SAP30: variants seen among roughly 807,000 people sequenced by gnomAD.
SAP30 encodes the protein histone deacetylase complex subunit SAP30.
A neutral mutation model predicts 19.6 loss-of-function variants in SAP30; 13 were observed. The ratio of observed to expected loss-of-function variants is 0.66; its 90% confidence interval spans 0.43 to 1.05. The LOEUF is 1.05. Among genes scored for constraint, SAP30 ranks in the 50% least tolerant of loss-of-function variants. The pLI is 0.00. For synonymous variants in SAP30, 108 were observed against 122.7 expected, an observed-to-expected ratio of 0.88 and a Z score of 0.79; for missense variants, 257 against 292.1, an observed-to-expected ratio of 0.88 and a Z score of 0.88.
In SAP30 at chr4:173,376,228, A is replaced by G. The variant is rs150644274; in HGVS notation, c.541-977A>G. On this transcript the variant is annotated intron_variant, in intron 3 of 3. Transcript: ENST00000296504. Reference sequence around the variant, plus strand: ...CCCCAGGTAAGTCTATTATTCTTCTATTAGTAATTGTAGTATGCATGTTAT... The same window carrying G: ...CCCCAGGTAAGTCTATTATTCTTCTGTTAGTAATTGTAGTATGCATGTTAT... 9.8e-5 allele frequency among the ~76,000 whole-genome samples: 15 copies of G among 152,292 alleles called. 1 individual carries two copies. In the East Asian group the frequency reaches 1.7e-3, roughly 18 times the overall value.
At chr4:173,375,808 C>T (rs1739024867) in intron 3 of SAP30, among the ~76,000 whole-genome samples, 3 of 152,190 alleles carry the variant, frequency 2.0e-5, no homozygotes, top group African/African-American at 7.2e-5. Context: ...CTGTTAGGAA[C>T]GGGTCCGCAG....
At position 173,371,524 on chromosome 4, in the gene SAP30, C is replaced by G; in HGVS notation, c.315+27C>G. On this transcript the variant is annotated intron_variant, in intron 1 of 3. Coordinates refer to ENST00000296504, the MANE Select transcript of SAP30 (RefSeq NM_003864.4). This position sits in a 1 kb window ranked among gnomAD's most constrained non-coding sequence, Gnocchi z 6.4. ...TAAGTAAACCGCGGGACCGCCCTGC[C>G]CTCCCGCCCCTCGGTGGGGCCCCAG... The G allele has an allele frequency of 6.4e-7, 1 of 1,568,452 alleles. No individual in the cohort carries two copies. The highest frequency in any genetic ancestry group is 1.4e-5 in the African/African-American group (1 of 73,320).
chr4:173,376,001 T>C (rs1739029744), intron 3 of SAP30, among the ~76,000 whole-genome samples: 2 of 152,192 alleles, frequency 1.3e-5, no homozygotes, highest in Non-Finnish European at 2.9e-5. Context: ...AACAATTTCA[T>C]ACCAAAACCA....
chr4:173,376,512 T>C (rs1739043423), intron 3 of SAP30, among the ~76,000 whole-genome samples: 1 of 152,250 alleles, frequency 6.6e-6, no homozygotes, highest in Non-Finnish European at 1.5e-5. Context: ...GCAGGTTTAA[T>C]GATGCATGTG....
At position 173,371,742 on chromosome 4, in the gene SAP30, G is replaced by A. The variant is rs989646319; in HGVS notation, c.315+245G>A. Among the ~76,000 whole-genome samples, 1 of 152,144 alleles carries A rather than the reference G, an allele frequency of 6.6e-6. No individual in the cohort carries two copies. The highest frequency in any genetic ancestry group is 1.5e-5 in the Non-Finnish European group (1 of 68,028). ...CCACCCTGGCCCCCAACCTCCCGCT[G>A]CCTGCGTCTCTCCCGCGCAGTCTTC... On this transcript the variant is annotated intron_variant, in intron 1 of 3. Coordinates refer to ENST00000296504, the MANE Select transcript of SAP30 (RefSeq NM_003864.4). This position sits in a 1 kb window ranked among gnomAD's most constrained non-coding sequence, Gnocchi z 6.4.
chr4:173,371,677 C>T lies in SAP30; in HGVS notation c.315+180C>T, dbSNP rs1196922251. Among the ~76,000 whole-genome samples, 2 of 152,100 alleles carry T rather than the reference C, an allele frequency of 1.3e-5. No homozygotes were observed. Among genetic ancestry groups the T allele is most frequent in the Non-Finnish European group, 2.9e-5 (2 of 68,004 alleles). On this transcript the variant is annotated intron_variant, in intron 1 of 3. Coordinates refer to ENST00000296504, the MANE Select transcript of SAP30 (RefSeq NM_003864.4). This position sits in a 1 kb window ranked among gnomAD's most constrained non-coding sequence, Gnocchi z 6.4. ...GCTGCAACTCCTACCGCCACCCCAA[C>T]ACACACACCACACACAGGCTGTCGT...
rs1275934654 is a variant in SAP30 at position 173,371,777 on chromosome 4, TCTC to T, written c.315+284_315+286del. Among the ~76,000 whole-genome samples, 9 of 151,904 alleles carry T rather than the reference TCTC, an allele frequency of 5.9e-5. No individual in the cohort carries two copies. In the East Asian group the frequency reaches 9.7e-4, roughly 16 times the overall value. On this transcript the variant is annotated intron_variant, in intron 1 of 3. Coordinates refer to ENST00000296504, the MANE Select transcript of SAP30 (RefSeq NM_003864.4). The surrounding 1 kb of genome is among the most constrained non-coding windows in gnomAD (Gnocchi z 6.4). ...CTCCCGCGCAGTCTTCCCTCTTCCT[TCTC>T]CTCTGCGACCGGGACACGAAACAAA...
In SAP30 at chr4:173,374,014, C is replaced by T. The variant is rs1738995874; in HGVS notation, c.517C>T (p.Leu173Phe). Reference sequence around the variant, plus strand: ...CTTCAAGCTACCAACCAGACCAGGACTTAATAAAGCACAACTTGTTGAGGT... The same window carrying T: ...CTTCAAGCTACCAACCAGACCAGGATTTAATAAAGCACAACTTGTTGAGGT... ...RHFKLPTRPG[L>F]NKAQLVEIVG... The change falls in exon 3 of 4, where the codon CTT (leucine) becomes TTT (phenylalanine). Residue 173 changes from leucine to phenylalanine, a missense_variant. Leu to Phe is a conservative substitution (Grantham distance 22). Coordinates refer to ENST00000296504, the MANE Select transcript of SAP30 (RefSeq NM_003864.4). 1 of 1,593,082 alleles carries T rather than the reference C, an allele frequency of 6.3e-7. No homozygotes were observed. Among genetic ancestry groups the T allele is most frequent in the African/African-American group, 1.4e-5 (1 of 73,996 alleles).
intron 3 of SAP30, among the ~76,000 whole-genome samples, chr4:173,375,430 G>A (rs1273510900): frequency 6.6e-6 from 1 of 151,756 alleles, no homozygotes; most frequent in Non-Finnish European, 1.5e-5. Flanking sequence ...GTTCTTTTGG[G>A]GTTGTACAAT....
intron 3 of SAP30, among the ~76,000 whole-genome samples, chr4:173,375,776 T>G (rs1272203139): frequency 6.6e-6 from 1 of 152,176 alleles, no homozygotes; most frequent in South Asian, 2.1e-4. Flanking sequence ...CCCAGGGCCA[T>G]GGACTGGTAC....
rs1339103256 is a variant in SAP30, at chr4:173,373,381, C to T, written c.316-9C>T. ...ATCATAAGCAGTGTGTAAAACTTTT[C>T]TGTTTCAGGCAAGGCATCTTTACAT... On this transcript the variant is annotated splice_polypyrimidine_tract_variant and intron_variant, in intron 1 of 3. Transcript: ENST00000296504. 6.3e-7 allele frequency: 1 copy of T among 1,594,724 alleles called. No homozygotes were observed. Among genetic ancestry groups the T allele is most frequent in the African/African-American group, 1.4e-5 (1 of 73,974 alleles).
Position 173,370,960 on chromosome 4 carries a change from C to A in SAP30, c.-223C>A, listed in dbSNP as rs986595505. On this transcript the variant is annotated 5_prime_UTR_variant, in exon 1 of 4. Transcript: ENST00000296504. ...GCTGAAGTCCCCATGTGACAGTGAG[C>A]GGGGTCCCCGCTCCAGGAGACGCTC... is the stretch of plus-strand genomic sequence containing the variant. 5 of 268,588 alleles carry A rather than the reference C, an allele frequency of 1.9e-5. No individual in the cohort carries two copies. Among genetic ancestry groups the A allele is most frequent in the Non-Finnish European group, 3.4e-5 (5 of 148,892 alleles). 16.6% of individuals were successfully genotyped at this position (268,588 alleles called of 1,614,324 possible).
At chr4:173,373,635 CAAAATT>C in intron 2 of SAP30, 120 bp downstream of exon 2, 1 of 1,078,162 alleles carries the variant, frequency 9.3e-7, no homozygotes, top group East Asian at 2.6e-5. Context: ...AAAATGAAAG[CAAAATT>C]AAATATAGCC....
intron 3 of SAP30, 139 bp downstream of exon 3, chr4:173,374,176 T>C: frequency 2.0e-6 from 1 of 492,264 alleles, no homozygotes; most frequent in Non-Finnish European, 3.6e-6. Flanking sequence ...TGTGGAAGAA[T>C]CTAGTTGTGT....
chr4:173,373,925 T>G lies in SAP30; in HGVS notation c.442-14T>G. ...AATTGTATGAACTCATTTATACATGTTAATTTTTTCTAGGTTGATTTATAC... is the reference window on the plus strand; with the variant it reads ...AATTGTATGAACTCATTTATACATGGTAATTTTTTCTAGGTTGATTTATAC... On this transcript the variant is annotated splice_polypyrimidine_tract_variant and intron_variant, in intron 2 of 3. Transcript: ENST00000296504. The G allele has an allele frequency of 1.5e-6, 2 of 1,350,148 alleles. No homozygotes were observed. Among genetic ancestry groups the G allele is most frequent in the Non-Finnish European group, 2.1e-6 (2 of 966,598 alleles). 83.6% of individuals were successfully genotyped at this position (1,350,148 alleles called of 1,614,324 possible).
chr4:173,371,155 T>C lies in SAP30; in HGVS notation c.-28T>C, dbSNP rs770444473. ...GCGGCCAGGAGAGAGGGGATTTCTGTCAGCGCCGGCCTCGGGAGCTCGGAG... is the reference window on the plus strand; with the variant it reads ...GCGGCCAGGAGAGAGGGGATTTCTGCCAGCGCCGGCCTCGGGAGCTCGGAG... On this transcript the variant is annotated 5_prime_UTR_variant, in exon 1 of 4. Transcript: ENST00000296504. This position sits in a 1 kb window ranked among gnomAD's most constrained non-coding sequence, Gnocchi z 6.4. 5.4e-5 allele frequency: 78 copies of C among 1,453,328 alleles called. No homozygotes were observed. The highest frequency in any genetic ancestry group is 1.2e-4 in the South Asian group (10 of 81,898). The allele number at this position is 1,453,328 out of a possible 1,614,324, so 90.0% of individuals were successfully genotyped here.
rs1738928038 is a variant in SAP30, at chr4:173,371,355, C to CGGCCG, written c.183_187dup (p.Pro63ArgfsTer38). On this transcript the variant is annotated frameshift_variant, in exon 1 of 4. Coordinates refer to ENST00000296504, the MANE Select transcript of SAP30 (RefSeq NM_003864.4). LOFTEE classifies it high-confidence loss of function. This position sits in a 1 kb window ranked among gnomAD's most constrained non-coding sequence, Gnocchi z 6.4. Reference sequence around the variant, plus strand: ...GTCTCAGCGGCTGGGCCCCCGGGGGCGGCCGGGCCGGGCCCCGGGCAACTG... The same window carrying CGGCCG: ...GTCTCAGCGGCTGGGCCCCCGGGGGCGGCCGGGCCGGGCCGGGCCCCGGGCAACTG... 2 of 1,486,728 alleles carry CGGCCG rather than the reference C, an allele frequency of 1.3e-6. No homozygotes were observed. Among genetic ancestry groups the CGGCCG allele is most frequent in the Non-Finnish European group, 1.8e-6 (2 of 1,128,328 alleles). The allele number at this position is 1,486,728 out of a possible 1,614,324, so 92.1% of individuals were successfully genotyped here.
rs180918078 is a variant in SAP30 at position 173,372,082 on chromosome 4, A to G, written c.315+585A>G. 1.1e-4 allele frequency among the ~76,000 whole-genome samples: 16 copies of G among 152,318 alleles called. No homozygotes were observed. The East Asian group carries it at 3.1e-3, about 29-fold the overall frequency. ...AACGGCGTTTGCGCTGTCAGCTCCG[A>G]GGGCAGCTACTCCGATGGTGGGGAG... On this transcript the variant is annotated intron_variant, in intron 1 of 3. Coordinates refer to ENST00000296504, the MANE Select transcript of SAP30 (RefSeq NM_003864.4).
intron 3 of SAP30, among the ~76,000 whole-genome samples, chr4:173,376,822 A>G (rs1451430531): frequency 1.3e-5 from 2 of 151,878 alleles, no homozygotes; most frequent in African/African-American, 4.8e-5. Flanking sequence ...GGGTTTCGTC[A>G]TGTTGCTCAG....
Sources: gnomAD v4.1 joint callset for allele counts (sites outside exome capture counted in the v4.1 genomes callset) on GRCh38, gnomAD v4.1.1 for gene constraint, Gnocchi (gnomAD v3.1) non-coding constraint, MANE v1.5 for transcripts, NCBI Gene and HGNC (gene_info 2026-07-23, HGNC 2026-07-21) for gene names.